The following STAT3 variants were observed in gnomAD, a reference collection of about 807,000 sequenced individuals.
The protein encoded by STAT3 is signal transducer and activator of transcription 3.
Under a neutral mutation model 114.3 loss-of-function variants are expected in STAT3, and 7 were observed. The ratio of observed to expected loss-of-function variants is 0.06; its 90% CI spans 0.03 to 0.11. The LOEUF (loss-of-function observed/expected upper bound fraction) is 0.11. STAT3 is among the 10% of genes least tolerant of loss of function. The pLI, the probability that STAT3 is intolerant of heterozygous loss-of-function variation, is 1.00. For missense variants in STAT3, 364 were observed against 960.9 expected, an observed-to-expected ratio of 0.38 and a Z score of 8.21; for synonymous variants, 331 against 354.5, an observed-to-expected ratio of 0.93 and a Z score of 0.74.
chr17:42,339,760 TAAAA>T (rs996544281), intron 4 of STAT3, among the ~76,000 whole-genome samples: 3 of 150,460 alleles, frequency 2.0e-5, no homozygotes, highest in Non-Finnish European at 4.4e-5. Flanking sequence ...TGAGGGATAA[TAAAA>T]AAAAAGTCCT....
In STAT3 at chr17:42,324,973, T is replaced by C; in HGVS notation, c.1454A>G (p.Asn485Ser). Residue 485 changes from asparagine (N) to serine (S), a missense_variant, in exon 16 of 24, where the codon AAC becomes AGC. This residue lies in a region of STAT3 where 294 missense variants were observed against 745.1 expected (regional missense o/e 0.39). Coordinates refer to ENST00000264657, the MANE Select transcript of STAT3 (RefSeq NM_139276.3). The surrounding 1 kb of genome is among the most constrained non-coding windows in gnomAD (Gnocchi z 4.5). ...GGAGGGGGCACTAACCTTGGGATTG[T>C]TGGTCAGCATGTTGTACCACAGGAT... ...ASILWYNMLT[N>S]NPKNVNFFTK... The C allele has an allele frequency of 6.2e-7, 1 of 1,614,192 alleles. No individual in the cohort carries two copies. Among genetic ancestry groups the C allele is most frequent in the Non-Finnish European group, 8.5e-7 (1 of 1,180,028 alleles).
intron 1 of STAT3, among the ~76,000 whole-genome samples, chr17:42,383,525 A>G (rs1339507236): frequency 6.6e-6 from 1 of 152,138 alleles, no homozygotes; most frequent in Non-Finnish European, 1.5e-5. Context: ...CCTTTTAAAA[A>G]CTGGAGGCAT....
intron 1 of STAT3, among the ~76,000 whole-genome samples, chr17:42,361,664 C>T (rs1032320814): frequency 6.6e-6 from 1 of 151,940 alleles, no homozygotes; most frequent in African/African-American, 2.4e-5. Flanking sequence ...AGTTCTTAGC[C>T]CAGAACTAGC....
chr17:42,373,191 A>G, intron 1 of STAT3, among the ~76,000 whole-genome samples: 1 of 152,116 alleles, frequency 6.6e-6, no homozygotes, highest in South Asian at 2.1e-4. Context: ...TCTATCAAAC[A>G]TACAAAAAAT....
intron 1 of STAT3, among the ~76,000 whole-genome samples, chr17:42,378,905 G>A (rs1433468081): frequency 6.6e-6 from 1 of 152,200 alleles, no homozygotes; most frequent in African/African-American, 2.4e-5. Flanking sequence ...GAGAAAAAAT[G>A]TGAAAAAACA....
chr17:42,380,968 C>T (rs939441297), intron 1 of STAT3, among the ~76,000 whole-genome samples: 7 of 152,112 alleles, frequency 4.6e-5, no homozygotes, highest in African/African-American at 7.2e-5. Flanking sequence ...CCTGTCTGCC[C>T]GGCACTATGC....
intron 1 of STAT3, among the ~76,000 whole-genome samples, chr17:42,383,953 T>C (rs2084938093): frequency 6.6e-6 from 1 of 152,172 alleles, no homozygotes; most frequent in Non-Finnish European, 1.5e-5. Context: ...ATACCTACCT[T>C]TGTACAATGT....
intron 21 of STAT3, among the ~76,000 whole-genome samples, chr17:42,320,150 C>T (rs1266910523): frequency 1.3e-5 from 2 of 152,140 alleles, no homozygotes; most frequent in Non-Finnish European, 1.5e-5. Flanking sequence ...GATCTCCCAA[C>T]TGAAGCACAC....
At chr17:42,321,152 C>T (rs2081464609) in intron 21 of STAT3, among the ~76,000 whole-genome samples, 2 of 129,538 alleles carry the variant, frequency 1.5e-5, no homozygotes, top group South Asian at 2.5e-4. Context: ...CAAGGTCTTG[C>T]TCTGTCACCC....
intron 1 of STAT3, among the ~76,000 whole-genome samples, chr17:42,377,192 A>G (rs1247454295): frequency 1.3e-5 from 2 of 152,188 alleles, no homozygotes; most frequent in African/African-American, 4.8e-5. Flanking sequence ...TCATTAGGAA[A>G]TCAAATTTAT....
intron 1 of STAT3, among the ~76,000 whole-genome samples, chr17:42,366,891 A>G (rs1056208617): frequency 6.6e-6 from 1 of 152,138 alleles, no homozygotes. Context: ...CTGTCATCCC[A>G]GCACTTTGGG....
At chr17:42,363,893 T>C (rs1017113783) in intron 1 of STAT3, among the ~76,000 whole-genome samples, 1 of 152,164 alleles carries the variant, frequency 6.6e-6, no homozygotes, top group South Asian at 2.1e-4. Flanking sequence ...CATCCCTTTC[T>C]TGTGTCTGTC....
At chr17:42,384,352 G>C (rs896030666) in intron 1 of STAT3, among the ~76,000 whole-genome samples, 13 of 151,816 alleles carry the variant, frequency 8.6e-5, no homozygotes, top group Non-Finnish European at 1.3e-4. Context: ...GGATGGTCTC[G>C]ATCTCCTGGC....
rs370396558 is a variant in STAT3, at chr17:42,326,204, A to G, written c.1282-5T>C. The G allele has an allele frequency of 1.1e-5, 17 of 1,613,286 alleles. No individual in the cohort carries two copies. The highest frequency in any genetic ancestry group is 2.2e-5 in the East Asian group (1 of 44,826). On this transcript the variant is annotated splice_region_variant and splice_polypyrimidine_tract_variant and intron_variant, in intron 14 of 23. Transcript: ENST00000264657. Reference sequence around the variant, plus strand: ...CTCAGTCACAATCAGGGAAGCCTACAGTAACGAGAAGGACACTCTTAGGCC... The same window carrying G: ...CTCAGTCACAATCAGGGAAGCCTACGGTAACGAGAAGGACACTCTTAGGCC...
intron 1 of STAT3, among the ~76,000 whole-genome samples, chr17:42,362,743 A>C (rs2083577980): frequency 6.6e-6 from 1 of 152,186 alleles, no homozygotes; most frequent in Admixed American, 6.5e-5. Flanking sequence ...CAGGAGCCCA[A>C]TAGCGTGCAG....
intron 1 of STAT3, among the ~76,000 whole-genome samples, chr17:42,364,313 C>T (rs1335751779): frequency 1.3e-5 from 2 of 152,120 alleles, no homozygotes; most frequent in African/African-American, 4.8e-5. Flanking sequence ...GAGGAATTCA[C>T]CTTCATAGGA....
At chr17:42,381,175 C>T (rs1362119082) in intron 1 of STAT3, among the ~76,000 whole-genome samples, 1 of 152,192 alleles carries the variant, frequency 6.6e-6, no homozygotes, top group African/African-American at 2.4e-5. Context: ...GCTATAGTAA[C>T]TTTGGACCAT....
At chr17:42,369,907 C>G (rs578011462) in intron 1 of STAT3, among the ~76,000 whole-genome samples, 2 of 152,210 alleles carry the variant, frequency 1.3e-5, no homozygotes, top group East Asian at 3.9e-4. Context: ...GATCCTCCTG[C>G]CTCAGCCTCC....
intron 18 of STAT3, 24 bp downstream of exon 18, chr17:42,323,549 C>A (rs754805332): frequency 5.0e-6 from 8 of 1,613,408 alleles, no homozygotes; most frequent in Admixed American, 1.7e-5. Flanking sequence ...CCCATTCCCA[C>A]GAGAATTTAA....
Sources: allele counts gnomAD v4.1 joint callset (sites outside exome capture counted in the v4.1 genomes callset), GRCh38; gene constraint gnomAD v4.1.1; regional missense constraint gnomAD v4.1.1; non-coding constraint Gnocchi (gnomAD v3.1); transcripts MANE v1.5; gene names NCBI Gene and HGNC (gene_info 2026-07-23, HGNC 2026-07-21).